SLC30A8: variants seen among roughly 807,000 people sequenced by gnomAD.
SLC30A8 encodes proton-coupled zinc antiporter SLC30A8.
In SLC30A8, 27 loss-of-function variants were observed where a neutral mutation model predicts 36.9. That is an observed-to-expected ratio of 0.73 (90% confidence interval 0.54 to 1.01). The LOEUF is 1.01. Ranked by LOEUF, SLC30A8 falls within the 50% of genes least tolerant of loss-of-function variation. The probability of loss-of-function intolerance (pLI) is 0.00; values close to 1 mark genes in which losing one functional copy is unlikely to be tolerated. For missense variants in SLC30A8, 439 were observed against 452.0 expected (o/e 0.97, Z 0.26); for synonymous variants, 164 against 172.4 (o/e 0.95, Z 0.38).
At chr8:117,045,677 G>A (rs1166733651) in intron 2 of SLC30A8, among the ~76,000 whole-genome samples, 2 of 152,220 alleles carry the variant, frequency 1.3e-5, no homozygotes, top group Non-Finnish European at 2.9e-5. Context: ...GGTGACTGCA[G>A]GGTAAAAGCC....
chr8:116,982,998 A>G (rs1417038907), intron 1 of SLC30A8, among the ~76,000 whole-genome samples: 2 of 152,176 alleles, frequency 1.3e-5, no homozygotes, highest in Non-Finnish European at 2.9e-5. Flanking sequence ...ACTCTGTCGT[A>G]TATCATTATT....
At chr8:117,012,590 A>G (rs531957079) in intron 1 of SLC30A8, among the ~76,000 whole-genome samples, 3 of 151,944 alleles carry the variant, frequency 2.0e-5, no homozygotes, top group African/African-American at 7.2e-5. Context: ...TGCAAATACT[A>G]TGCCATTTTA....
At chr8:117,009,464 T>C (rs1816277026) in intron 1 of SLC30A8, among the ~76,000 whole-genome samples, 1 of 152,236 alleles carries the variant, frequency 6.6e-6, no homozygotes, top group Non-Finnish European at 1.5e-5. Context: ...CATTCTTATG[T>C]GATTTCTGTT....
intron 2 of SLC30A8, among the ~76,000 whole-genome samples, chr8:117,091,018 A>C (rs770927767): frequency 1.3e-5 from 2 of 152,044 alleles, no homozygotes; most frequent in Non-Finnish European, 2.9e-5. Flanking sequence ...TTTTTTCTTC[A>C]CTCTTAGAAC....
intron 1 of SLC30A8, among the ~76,000 whole-genome samples, chr8:116,978,460 T>TAAAA (rs978657094): frequency 1.5e-4 from 6 of 41,282 alleles, no homozygotes; most frequent in Non-Finnish European, 3.0e-4. Context: ...TGATGCTTTA[T>TAAAA]ATAGTCTTTT....
intron 1 of SLC30A8, among the ~76,000 whole-genome samples, chr8:116,963,960 A>C (rs1292058244): frequency 1.3e-5 from 2 of 152,212 alleles, no homozygotes; most frequent in Non-Finnish European, 2.9e-5. Context: ...TGTTCTGAGG[A>C]TTAATAACCT....
intron 2 of SLC30A8, among the ~76,000 whole-genome samples, chr8:117,129,732 T>C (rs1269014023): frequency 6.6e-6 from 1 of 152,052 alleles, no homozygotes; most frequent in Non-Finnish European, 1.5e-5. Flanking sequence ...GATAACGTAT[T>C]ATATTTCTGG....
intron 1 of SLC30A8, among the ~76,000 whole-genome samples, chr8:116,995,849 C>T (rs866042012): frequency 1.3e-5 from 2 of 151,612 alleles, no homozygotes; most frequent in Non-Finnish European, 2.9e-5. Context: ...GCACAGATAA[C>T]GCACAATCTT....
intron 1 of SLC30A8, among the ~76,000 whole-genome samples, chr8:117,025,043 C>T (rs1396763557): frequency 6.6e-6 from 1 of 152,094 alleles, no homozygotes; most frequent in Non-Finnish European, 1.5e-5. Context: ...TCTACTGAAG[C>T]CCAAAGAAAT....
intron 2 of SLC30A8, chr8:117,147,578 G>A (rs1821958125): frequency 6.1e-6 from 1 of 165,278 alleles, no homozygotes; most frequent in African/African-American, 2.4e-5. Context: ...CCTGCTTATG[G>A]ACAATGCTGC....
chr8:117,032,628 G>A (rs1817089150), intron 1 of SLC30A8, among the ~76,000 whole-genome samples: 1 of 152,198 alleles, frequency 6.6e-6, no homozygotes, highest in Non-Finnish European at 1.5e-5. Context: ...AGTGGCTGAT[G>A]CCTGTAATCC....
intron 2 of SLC30A8, among the ~76,000 whole-genome samples, chr8:117,123,391 A>G (rs1820764118): frequency 6.6e-6 from 1 of 152,060 alleles, no homozygotes; most frequent in African/African-American, 2.4e-5. Context: ...TAAACAGGCT[A>G]TCAATATTAA....
At chr8:116,983,490 G>A (rs1476682075) in intron 1 of SLC30A8, among the ~76,000 whole-genome samples, 1 of 151,990 alleles carries the variant, frequency 6.6e-6, no homozygotes, top group Non-Finnish European at 1.5e-5. Context: ...AAGTGTTACT[G>A]GTGTGTTAAA....
chr8:117,154,407 G>C (rs142881169), intron 3 of SLC30A8, among the ~76,000 whole-genome samples: 158 of 152,302 alleles, frequency 1.0e-3, no homozygotes, highest in African/African-American at 3.7e-3. Context: ...CCATGTAGAG[G>C]AAATTGGAGA....
chr8:117,157,347 C>T (rs1457417187), intron 3 of SLC30A8, among the ~76,000 whole-genome samples: 1 of 152,056 alleles, frequency 6.6e-6, no homozygotes, highest in African/African-American at 2.4e-5. Flanking sequence ...CATTATTTTA[C>T]CTCCTAATAA....
intron 2 of SLC30A8, among the ~76,000 whole-genome samples, chr8:117,054,714 CCAGAAAA>C (rs1189198765): frequency 2.0e-5 from 3 of 148,648 alleles, no homozygotes. Context: ...ATGAGGTATT[CCAGAAAA>C]ATGATAAAGG....
chr8:117,060,674 G>T (rs1203010596), intron 2 of SLC30A8, among the ~76,000 whole-genome samples: 1 of 152,066 alleles, frequency 6.6e-6, no homozygotes, highest in African/African-American at 2.4e-5. Context: ...TCTTAAATCT[G>T]ATTAGACTTA....
intron 1 of SLC30A8, among the ~76,000 whole-genome samples, chr8:116,988,981 T>G (rs1368214064): frequency 6.6e-6 from 1 of 152,240 alleles, no homozygotes; most frequent in Non-Finnish European, 1.5e-5. Flanking sequence ...TACTATGCTA[T>G]GAACCTCTGT....
At chr8:117,169,876 C>A (rs1043263232) in intron 6 of SLC30A8, among the ~76,000 whole-genome samples, 2 of 152,152 alleles carry the variant, frequency 1.3e-5, no homozygotes, top group African/African-American at 4.8e-5. Context: ...CACCAGGCCC[C>A]ATTTCCAGCA....
Sources: allele counts gnomAD v4.1 joint callset (sites outside exome capture counted in the v4.1 genomes callset), GRCh38; gene constraint gnomAD v4.1.1; transcripts MANE v1.5; gene names NCBI Gene and HGNC (gene_info 2026-07-23, HGNC 2026-07-21).